The following NECTIN2 variants were observed in gnomAD, a reference collection of about 807,000 sequenced individuals.
NECTIN2 encodes nectin cell adhesion molecule 2.
In NECTIN2, 23 loss-of-function variants were observed where a neutral mutation model predicts 56.9. That is an observed-to-expected ratio of 0.40 (90% CI 0.29 to 0.57). NECTIN2 has a LOEUF of 0.57. Ranked by LOEUF, NECTIN2 falls within the 20% of genes least tolerant of loss-of-function variation. The pLI is 0.38. For missense variants in NECTIN2, 587 were observed against 718.3 expected (o/e 0.82, Z 2.09); for synonymous variants, 302 against 313.8 (o/e 0.96, Z 0.40).
chr19:44,878,188 CTCTCTCTCTCACCCCTCCT>C, intron 5 of NECTIN2: 1 of 616,086 alleles, frequency 1.6e-6, no homozygotes, highest in East Asian at 2.8e-5. Context: ...GTCTCCCTTT[CTCTCTCTCTCACCCCTCCT>C]TCTCTCTCTC....
chr19:44,878,621 C>T lies in NECTIN2; in HGVS notation c.1043-3590C>T, dbSNP rs777626231. 1.0e-5 allele frequency: 16 copies of T among 1,589,124 alleles called. No individual in the cohort carries two copies. In the South Asian group the frequency reaches 1.4e-4, roughly 14 times the overall value. ...CTCACGGCGGGCAGTTTATGTGTGA[C>T]CTGGACACAGACAGAGACAGAGCCA... is the stretch of plus-strand genomic sequence containing the variant. On this transcript the variant is annotated intron_variant, in intron 5 of 8. Transcript: ENST00000252483.
intron 2 of NECTIN2, among the ~76,000 whole-genome samples, chr19:44,871,123 C>T (rs1054702348): frequency 6.6e-5 from 10 of 152,188 alleles, no homozygotes; most frequent in African/African-American, 2.4e-4. Flanking sequence ...TCCTCAGCCT[C>T]CTAAAGTGCT....
chr19:44,859,189 G>A (rs78359209), intron 1 of NECTIN2, among the ~76,000 whole-genome samples: 32 of 152,288 alleles, frequency 2.1e-4, no homozygotes, highest in African/African-American at 7.7e-4. Flanking sequence ...AATGAGGCTT[G>A]TGCCCTGGCC....
intron 8 of NECTIN2, among the ~76,000 whole-genome samples, chr19:44,887,137 G>A (rs531334996): frequency 6.7e-4 from 102 of 152,118 alleles, no homozygotes; most frequent in Middle Eastern, 6.8e-3. Flanking sequence ...ATCACCTGAC[G>A]TCAGGAGTTC....
intron 2 of NECTIN2, among the ~76,000 whole-genome samples, chr19:44,870,533 C>T (rs1969161265): frequency 6.6e-6 from 1 of 151,616 alleles, no homozygotes; most frequent in Non-Finnish European, 1.5e-5. Flanking sequence ...GATTTTTTTC[C>T]ATGTTTTCCA....
chr19:44,882,808 G>A (rs929421793), intron 6 of NECTIN2, among the ~76,000 whole-genome samples: 4 of 139,328 alleles, frequency 2.9e-5, no homozygotes, highest in African/African-American at 1.1e-4. Context: ...TTGTGACGGA[G>A]TCTCACTCTG....
chr19:44,854,508 CT>C (rs1968940334), intron 1 of NECTIN2, among the ~76,000 whole-genome samples: 1 of 152,188 alleles, frequency 6.6e-6, no homozygotes, highest in South Asian at 2.1e-4. Context: ...AGGACTGCTC[CT>C]TAAGTCAAGA....
At chr19:44,873,875 G>T (rs750130565) in intron 3 of NECTIN2, 41 bp from the exon 4 acceptor site, 34 of 1,482,390 alleles carry the variant, frequency 2.3e-5, no homozygotes, top group Non-Finnish European at 3.1e-5. Context: ...CCCGCTCTGG[G>T]ATTCTCCTCC....
chr19:44,880,953 T>C (rs1304401074), intron 5 of NECTIN2, among the ~76,000 whole-genome samples: 2 of 151,940 alleles, frequency 1.3e-5, no homozygotes, highest in Non-Finnish European at 2.9e-5. Flanking sequence ...TTTGTATTTT[T>C]AGTAGAGACA....
rs1363644213 is a variant in NECTIN2 at position 44,874,667 on chromosome 19, T to C, written c.1042+189T>C. 1 of 677,910 alleles carries C rather than the reference T, an allele frequency of 1.5e-6. No homozygotes were observed. The highest frequency in any genetic ancestry group is 2.4e-6 in the Non-Finnish European group (1 of 408,466). The allele number at this position is 677,910 out of a possible 1,614,324, so 42.0% of individuals were successfully genotyped here. A position where few individuals can be genotyped will look rare whatever the true frequency, so the allele number is the denominator to read the frequency against. ...CTCAGACTGGGGTCTGGATTTGGGG[T>C]GTCGGGGTAGGTGAAGGCAGCAGAG... On this transcript the variant is annotated intron_variant, in intron 5 of 8. Transcript: ENST00000252483. The surrounding 1 kb of genome is among the most constrained non-coding windows in gnomAD (Gnocchi z 6.3).
intron 2 of NECTIN2, among the ~76,000 whole-genome samples, chr19:44,870,099 G>C (rs1287983176): frequency 1.3e-5 from 2 of 152,198 alleles, no homozygotes; most frequent in African/African-American, 4.8e-5. Context: ...GGTCAGGAAA[G>C]TGCCCTTGAC....
rs1322557592 is a variant in NECTIN2, at chr19:44,865,067, A to G, written c.89-204A>G. Among the ~76,000 whole-genome samples, 1 of 152,208 alleles carries G rather than the reference A, an allele frequency of 6.6e-6. No individual in the cohort carries two copies. The highest frequency in any genetic ancestry group is 1.5e-5 in the Non-Finnish European group (1 of 68,038). On this transcript the variant is annotated intron_variant, in intron 1 of 8. Coordinates refer to ENST00000252483, the MANE Select transcript of NECTIN2 (RefSeq NM_001042724.2). The surrounding 1 kb of genome is among the most constrained non-coding windows in gnomAD (Gnocchi z 5.2). ...GTAATATGAACTCATAGTACACGTT[A>G]TAGTTGTATAATAGAATAGTCATTT...
chr19:44,867,581 G>A (rs12610605), intron 2 of NECTIN2, among the ~76,000 whole-genome samples: 23,793 of 152,166 alleles, frequency 0.16, 2,382 homozygotes, highest in East Asian at 0.49. Context: ...CAGGGAAGGC[G>A]TCTTAGTCAA....
chr19:44,874,394 G>A lies in NECTIN2; in HGVS notation c.958G>A (p.Asp320Asn), dbSNP rs549210950. 1 of 1,614,138 alleles carries A rather than the reference G, an allele frequency of 6.2e-7. No homozygotes were observed. The highest frequency in any genetic ancestry group is 2.2e-5 in the East Asian group (1 of 44,884). Residue 320 changes from aspartate to asparagine, a missense_variant, in exon 5 of 9, where the codon GAC becomes AAC. By Grantham distance (23) the Asp-to-Asn change is conservative. Transcript: ENST00000252483. The surrounding 1 kb of genome is among the most constrained non-coding windows in gnomAD (Gnocchi z 6.3). ...CTCCCAGCTGGTCATCCACGCAGTGGACAGTCTGTTCAATACCACCTTCGT... is the reference window on the plus strand; with the variant it reads ...CTCCCAGCTGGTCATCCACGCAGTGAACAGTCTGTTCAATACCACCTTCGT... Reference protein sequence around the residue: ...QGSQLVIHAVDSLFNTTFVCT... With the variant: ...QGSQLVIHAVNSLFNTTFVCT...
At chr19:44,855,824 AAC>A (rs1218668114) in intron 1 of NECTIN2, among the ~76,000 whole-genome samples, 3 of 152,084 alleles carry the variant, frequency 2.0e-5, no homozygotes, top group African/African-American at 7.2e-5. Flanking sequence ...GTAGGGGAAA[AAC>A]ACAGACAAAC....
chr19:44,852,763 TGATA>T lies in NECTIN2; in HGVS notation c.88+6154_88+6157del, dbSNP rs1399829991. 2.0e-5 allele frequency among the ~76,000 whole-genome samples: 3 copies of T among 152,152 alleles called. No individual in the cohort carries two copies. In the East Asian group the frequency reaches 5.8e-4, roughly 29 times the overall value. On this transcript the variant is annotated intron_variant, in intron 1 of 8. Coordinates refer to ENST00000252483, the MANE Select transcript of NECTIN2 (RefSeq NM_001042724.2). ...CAAAGAAGGAGGTGACAGGGTTTCC[TGATA>T]GATTGCTTATGAGGTGAGAGAGAAA... is the stretch of plus-strand genomic sequence containing the variant.
At chr19:44,862,992 C>A (rs375774417) in intron 1 of NECTIN2, among the ~76,000 whole-genome samples, 211 of 123,002 alleles carry the variant, frequency 1.7e-3, no homozygotes, top group South Asian at 3.4e-3. Context: ...ACTAAAAATA[C>A]AAAAAAAAAA....
At chr19:44,861,917 T>G (rs1427022902) in intron 1 of NECTIN2, among the ~76,000 whole-genome samples, 1 of 152,208 alleles carries the variant, frequency 6.6e-6, no homozygotes, top group Non-Finnish European at 1.5e-5. Context: ...TTAGTTGAAC[T>G]ATTATGAAGA....
intron 5 of NECTIN2, among the ~76,000 whole-genome samples, chr19:44,880,009 C>G (rs1202545289): frequency 6.6e-6 from 1 of 152,216 alleles, no homozygotes; most frequent in Non-Finnish European, 1.5e-5. Context: ...CCCCCACCCT[C>G]TGAAGCCCTC....
Sources: allele counts gnomAD v4.1 joint callset (sites outside exome capture counted in the v4.1 genomes callset), GRCh38; gene constraint gnomAD v4.1.1; non-coding constraint Gnocchi (gnomAD v3.1); transcripts MANE v1.5; gene names NCBI Gene and HGNC (gene_info 2026-07-23, HGNC 2026-07-21).